Variants in PTPRD observed in about 807,000 individuals in gnomAD.
The protein encoded by PTPRD is protein tyrosine phosphatase receptor type D.
In PTPRD, 34 loss-of-function variants were observed where a neutral mutation model predicts 214.5. The ratio of observed to expected loss-of-function variants is 0.16; its 90% CI spans 0.12 to 0.21. The LOEUF (loss-of-function observed/expected upper bound fraction) is 0.21, where lower values mean the gene tolerates loss of function less well. PTPRD is among the 10% of genes least tolerant of loss of function. The pLI, the probability that PTPRD is intolerant of heterozygous loss-of-function variation, is 1.00. For synonymous variants in PTPRD, 1,128 were observed against 845.7 expected, an observed-to-expected ratio of 1.33 and a Z score of -5.79; for missense variants, 2,545 against 2,398.7, an observed-to-expected ratio of 1.06 and a Z score of -1.27.
chr9:9,087,244 G>C, intron 10 of PTPRD, among the ~76,000 whole-genome samples: 1 of 152,158 alleles, frequency 6.6e-6, no homozygotes, highest in East Asian at 1.9e-4. Flanking sequence ...TACCAAAGCA[G>C]AGATTTGGTC....
intron 39 of PTPRD, among the ~76,000 whole-genome samples, chr9:8,360,587 G>A (rs1340620815): frequency 6.6e-6 from 1 of 152,152 alleles, no homozygotes; most frequent in Non-Finnish European, 1.5e-5. Flanking sequence ...TTTTGAAGGA[G>A]ATACCATACT....
intron 5 of PTPRD, among the ~76,000 whole-genome samples, chr9:9,786,939 C>T (rs188394570): frequency 6.8e-4 from 104 of 152,000 alleles, no homozygotes; most frequent in African/African-American, 2.5e-3. Flanking sequence ...GTTTTGAGAC[C>T]AGCCTGGCCA....
chr9:9,686,458 C>T (rs2097169082), intron 7 of PTPRD, among the ~76,000 whole-genome samples: 1 of 151,030 alleles, frequency 6.6e-6, no homozygotes, highest in South Asian at 2.1e-4. Context: ...ATAGATAATA[C>T]ATTATATAAT....
intron 3 of PTPRD, among the ~76,000 whole-genome samples, chr9:10,277,324 T>C (rs1299910692): frequency 6.6e-6 from 1 of 151,614 alleles, no homozygotes; most frequent in African/African-American, 2.4e-5. Flanking sequence ...TTATCCCAAA[T>C]CCATTTTCCT....
At position 8,485,207 on chromosome 9, in the gene PTPRD, C is replaced by CA. The variant is rs1271499950; in HGVS notation, c.3153+19dup. ...CTCTACTTTTATCTGTGATTTCTTACAAATTAGAAAACAACTTACTTTGAA... is the reference window on the plus strand; with the variant it reads ...CTCTACTTTTATCTGTGATTTCTTACAAAATTAGAAAACAACTTACTTTGAA... On this transcript the variant is annotated intron_variant, in intron 29 of 45. Coordinates refer to ENST00000381196, the MANE Select transcript of PTPRD (RefSeq NM_002839.4). 2.8e-5 allele frequency: 45 copies of CA among 1,599,918 alleles called. No homozygotes were observed. The highest frequency in any genetic ancestry group is 3.6e-5 in the Non-Finnish European group (42 of 1,167,896).
chr9:9,236,846 T>C (rs1033365707), intron 9 of PTPRD, among the ~76,000 whole-genome samples: 6 of 152,068 alleles, frequency 3.9e-5, no homozygotes, highest in Non-Finnish European at 7.3e-5. Flanking sequence ...GCTAAGCAAA[T>C]TGACTACCGC....
At chr9:8,725,795 T>C (rs2098550364) in intron 12 of PTPRD, among the ~76,000 whole-genome samples, 1 of 152,170 alleles carries the variant, frequency 6.6e-6, no homozygotes, top group Non-Finnish European at 1.5e-5. Context: ...AGAGTAATTA[T>C]ACAGCAGAAG....
At chr9:9,566,086 C>T (rs1021097413) in intron 8 of PTPRD, among the ~76,000 whole-genome samples, 5 of 151,898 alleles carry the variant, frequency 3.3e-5, no homozygotes, top group East Asian at 3.9e-4. Context: ...TATTCCTGCA[C>T]ATTTTTTCTT....
intron 4 of PTPRD, among the ~76,000 whole-genome samples, chr9:10,007,722 A>C (rs1034951260): frequency 6.6e-6 from 1 of 152,052 alleles, no homozygotes; most frequent in African/African-American, 2.4e-5. Context: ...TAAAATGTTA[A>C]ATAAAATTGT....
chr9:8,625,602 C>A (rs1026006776), intron 14 of PTPRD, among the ~76,000 whole-genome samples: 1 of 151,348 alleles, frequency 6.6e-6, no homozygotes, highest in Non-Finnish European at 1.5e-5. Context: ...TGAATACAGA[C>A]ATCATCAGAC....
At chr9:10,465,346 A>C (rs1223251447) in intron 2 of PTPRD, among the ~76,000 whole-genome samples, 3 of 152,214 alleles carry the variant, frequency 2.0e-5, no homozygotes, top group Non-Finnish European at 4.4e-5. Context: ...GGAGGTGTTC[A>C]TAACATTTTT....
chr9:9,379,884 T>C (rs1390455623), intron 9 of PTPRD, among the ~76,000 whole-genome samples: 1 of 152,056 alleles, frequency 6.6e-6, no homozygotes, highest in East Asian at 1.9e-4. Flanking sequence ...TAACCTTGTA[T>C]ATGGAATCTT....
chr9:8,644,893 C>G (rs993236910), intron 12 of PTPRD, among the ~76,000 whole-genome samples: 1 of 152,138 alleles, frequency 6.6e-6, no homozygotes, highest in Non-Finnish European at 1.5e-5. Context: ...GCCTGCCAGG[C>G]CAGGTGGGCA....
In PTPRD at chr9:8,797,624, T is replaced by C. The variant is rs373048749; in HGVS notation, c.-103-63678A>G. On this transcript the variant is annotated intron_variant, in intron 11 of 45. Coordinates refer to ENST00000381196, the MANE Select transcript of PTPRD (RefSeq NM_002839.4). ...CTCTCTGGAACTGTCTCAAACACTA[T>C]CACATCTGTGAAGCTCTATCTCATC... Among the ~76,000 whole-genome samples, 19 of 152,272 alleles carry C rather than the reference T, an allele frequency of 1.2e-4. No individual in the cohort carries two copies. In the South Asian group the frequency reaches 3.9e-3, roughly 32 times the overall value.
At chr9:8,468,500 T>C (rs1285425166) in intron 31 of PTPRD, among the ~76,000 whole-genome samples, 11 of 151,910 alleles carry the variant, frequency 7.2e-5, no homozygotes, top group Admixed American at 7.2e-4. Flanking sequence ...AGTTTATAAA[T>C]GTATCATGTG....
At chr9:9,739,762 G>A (rs747629263) in intron 6 of PTPRD, among the ~76,000 whole-genome samples, 2 of 151,700 alleles carry the variant, frequency 1.3e-5, no homozygotes, top group Non-Finnish European at 2.9e-5. Flanking sequence ...TATATGTGCT[G>A]GGTCCTTCCT....
chr9:9,462,790 A>G (rs2093778498), intron 8 of PTPRD, among the ~76,000 whole-genome samples: 2 of 152,168 alleles, frequency 1.3e-5, no homozygotes, highest in African/African-American at 2.4e-5. Flanking sequence ...CAGATGATCA[A>G]TAGAGATGGA....
intron 14 of PTPRD, among the ~76,000 whole-genome samples, chr9:8,590,627 T>C (rs772728060): frequency 1.3e-5 from 2 of 152,140 alleles, no homozygotes; most frequent in Non-Finnish European, 2.9e-5. Flanking sequence ...ATGAACAGAA[T>C]GGATGTTTTC....
At chr9:9,984,232 C>T (rs866346704) in intron 4 of PTPRD, among the ~76,000 whole-genome samples, 2 of 152,014 alleles carry the variant, frequency 1.3e-5, no homozygotes, top group African/African-American at 4.8e-5. Context: ...AGAAACCACA[C>T]AGTGATTTTG....
Sources: allele counts gnomAD v4.1 joint callset (sites outside exome capture counted in the v4.1 genomes callset), GRCh38; gene constraint gnomAD v4.1.1; transcripts MANE v1.5; gene names NCBI Gene and HGNC (gene_info 2026-07-23, HGNC 2026-07-21).